NTNG1: variants seen among roughly 807,000 people sequenced by gnomAD.
The protein encoded by NTNG1 is netrin-G1.
NTNG1 carries 16 observed loss-of-function variants against 54.0 expected under a neutral mutation model. That is an observed-to-expected ratio of 0.30 (90% CI 0.20 to 0.45). NTNG1 has a LOEUF of 0.45. NTNG1 is among the 20% of genes least tolerant of loss of function. NTNG1 has a pLI of 1.00. For synonymous variants in NTNG1, 255 were observed against 263.1 expected (o/e 0.97, Z 0.30); for missense variants, 530 against 678.7 (o/e 0.78, Z 2.43).
At chr1:107,355,949 T>C (rs1557927989) in intron 3 of NTNG1, among the ~76,000 whole-genome samples, 1 of 152,208 alleles carries the variant, frequency 6.6e-6, no homozygotes, top group Non-Finnish European at 1.5e-5. Context: ...TAAATTATTG[T>C]GTCCTAAAAA....
At chr1:107,417,013 T>G (rs189629147) in intron 5 of NTNG1, among the ~76,000 whole-genome samples, 1 of 152,182 alleles carries the variant, frequency 6.6e-6, no homozygotes, top group South Asian at 2.1e-4. Context: ...AAAACACAAA[T>G]TTATAGTTTT....
chr1:107,260,089 T>G (rs1663209322), intron 2 of NTNG1, among the ~76,000 whole-genome samples: 1 of 152,148 alleles, frequency 6.6e-6, no homozygotes, highest in African/African-American at 2.4e-5. Flanking sequence ...CACTGAAAAT[T>G]AAAATTTTGG....
intron 5 of NTNG1, among the ~76,000 whole-genome samples, chr1:107,426,713 G>T (rs544345603): frequency 6.6e-6 from 1 of 152,102 alleles, no homozygotes; most frequent in Middle Eastern, 3.4e-3. Context: ...TTCTGATTCT[G>T]TGAAAAATGA....
chr1:107,230,193 T>C (rs979863763), intron 2 of NTNG1, among the ~76,000 whole-genome samples: 2 of 152,208 alleles, frequency 1.3e-5, no homozygotes, highest in Non-Finnish European at 2.9e-5. Flanking sequence ...TATAATCACT[T>C]ATAATAATTA....
chr1:107,467,459 C>T (rs1318096314), intron 7 of NTNG1, among the ~76,000 whole-genome samples: 1 of 152,194 alleles, frequency 6.6e-6, no homozygotes, highest in East Asian at 1.9e-4. Flanking sequence ...TTACAAAGCA[C>T]TTAATAACAA....
intron 2 of NTNG1, among the ~76,000 whole-genome samples, chr1:107,201,711 T>C (rs1175667322): frequency 1.3e-5 from 2 of 151,938 alleles, no homozygotes; most frequent in East Asian, 3.9e-4. Flanking sequence ...ATTTCTACCC[T>C]AGGCAGGCAA....
chr1:107,271,529 C>T (rs1664143836), intron 2 of NTNG1, among the ~76,000 whole-genome samples: 1 of 152,106 alleles, frequency 6.6e-6, no homozygotes, highest in South Asian at 2.1e-4. Flanking sequence ...TAGCAGACAT[C>T]AAAGATTTTA....
intron 2 of NTNG1, among the ~76,000 whole-genome samples, chr1:107,207,208 T>A (rs893266779): frequency 2.6e-5 from 4 of 152,154 alleles, no homozygotes; most frequent in African/African-American, 9.7e-5. Context: ...TCCTCTATAA[T>A]AGCAGAGCTG....
chr1:107,395,431 A>G (rs899628352), intron 4 of NTNG1, 105 bp downstream of exon 4: 2 of 1,078,766 alleles, frequency 1.9e-6, no homozygotes, highest in Non-Finnish European at 2.9e-6. Context: ...CAGTTGTCTC[A>G]TTCTTCTTTA....
intron 3 of NTNG1, among the ~76,000 whole-genome samples, chr1:107,354,192 C>T (rs1013008639): frequency 3.9e-5 from 6 of 151,912 alleles, no homozygotes; most frequent in African/African-American, 1.5e-4. Flanking sequence ...TTAAATTGGC[C>T]AGGCATGGTG....
Position 107,252,949 on chromosome 1 carries a change from C to T in NTNG1, c.247-71333C>T, listed in dbSNP as rs566071194. On this transcript the variant is annotated intron_variant, in intron 2 of 7. Coordinates refer to ENST00000370068, the MANE Select transcript of NTNG1 (RefSeq NM_001113226.3). ...AGATGCCACAAAATAGGCATGGATC[C>T]TGTCACCGTCTTTACTGGAGTAAGA... Among the ~76,000 whole-genome samples the T allele has an allele frequency of 2.0e-5, 3 of 152,322 alleles. No homozygotes were observed. In the South Asian group the frequency reaches 6.2e-4, roughly 32 times the overall value.
In NTNG1 at chr1:107,148,592, A is replaced by T; in HGVS notation, c.-2A>T. 6.2e-7 allele frequency: 1 copy of T among 1,612,860 alleles called. No homozygotes were observed. Among genetic ancestry groups the T allele is most frequent in the Non-Finnish European group, 8.5e-7 (1 of 1,179,092 alleles). Reference sequence around the variant, plus strand: ...TCCAAGAAGATTACAAAGAATTTAGAGATGTATTTGTCAAGATTCCTGTCG... The same window carrying T: ...TCCAAGAAGATTACAAAGAATTTAGTGATGTATTTGTCAAGATTCCTGTCG... On this transcript the variant is annotated 5_prime_UTR_variant, in exon 2 of 8. Coordinates refer to ENST00000370068, the MANE Select transcript of NTNG1 (RefSeq NM_001113226.3).
chr1:107,343,401 T>C (rs1475997636), intron 3 of NTNG1, among the ~76,000 whole-genome samples: 1 of 152,060 alleles, frequency 6.6e-6, no homozygotes, highest in Non-Finnish European at 1.5e-5. Flanking sequence ...AGAACAACCA[T>C]AGAAATTAAC....
At chr1:107,315,344 C>G (rs1667275653) in intron 2 of NTNG1, among the ~76,000 whole-genome samples, 1 of 152,112 alleles carries the variant, frequency 6.6e-6, no homozygotes, top group African/African-American at 2.4e-5. Context: ...GCTGCCTACC[C>G]CCTTAGGATC....
chr1:107,396,436 A>G (rs1377680301), intron 4 of NTNG1, among the ~76,000 whole-genome samples: 1 of 152,186 alleles, frequency 6.6e-6, no homozygotes, highest in Admixed American at 6.6e-5. Flanking sequence ...AAATCCTTCA[A>G]AAGGTTTAAA....
At chr1:107,150,587 A>C (rs1654488443) in intron 2 of NTNG1, among the ~76,000 whole-genome samples, 1 of 152,172 alleles carries the variant, frequency 6.6e-6, no homozygotes, top group Non-Finnish European at 1.5e-5. Flanking sequence ...ATCTAAGTAA[A>C]ATAGCAAATT....
At chr1:107,367,377 C>A (rs973463120) in intron 3 of NTNG1, among the ~76,000 whole-genome samples, 1 of 152,160 alleles carries the variant, frequency 6.6e-6, no homozygotes, top group East Asian at 1.9e-4. Flanking sequence ...GAATGTCTGA[C>A]ACCAGCATGC....
chr1:107,385,072 G>C (rs936831807), intron 3 of NTNG1, among the ~76,000 whole-genome samples: 4 of 152,116 alleles, frequency 2.6e-5, no homozygotes, highest in African/African-American at 7.2e-5. Context: ...CTAGGCTTTT[G>C]CTGTAATATT....
chr1:107,291,603 A>G (rs1665609025), intron 2 of NTNG1, among the ~76,000 whole-genome samples: 1 of 152,220 alleles, frequency 6.6e-6, no homozygotes, highest in Non-Finnish European at 1.5e-5. Context: ...AATATTGCTG[A>G]TTTATCAACT....
Sources: gnomAD v4.1 joint callset for allele counts (sites outside exome capture counted in the v4.1 genomes callset) on GRCh38, gnomAD v4.1.1 for gene constraint, MANE v1.5 for transcripts, NCBI Gene and HGNC (gene_info 2026-07-23, HGNC 2026-07-21) for gene names.